DYNC2H1: variants seen among roughly 807,000 people sequenced by gnomAD.
DYNC2H1 encodes dynein cytoplasmic 2 heavy chain 1.
In DYNC2H1, 410 loss-of-function variants were observed where a neutral mutation model predicts 570.0. The ratio of observed to expected loss-of-function variants is 0.72; its 90% CI spans 0.66 to 0.78. The LOEUF (loss-of-function observed/expected upper bound fraction) is 0.78, where lower values mean the gene tolerates loss of function less well. DYNC2H1 is among the 30% of genes least tolerant of loss of function. The pLI is 0.00. For synonymous variants in DYNC2H1, 1,688 were observed against 1,677.6 expected, an observed-to-expected ratio of 1.01 and a Z score of -0.15; for missense variants, 4,865 against 5,046.4, an observed-to-expected ratio of 0.96 and a Z score of 1.09.
intron 10 of DYNC2H1, among the ~76,000 whole-genome samples, chr11:103,122,244 T>A (rs916193350): frequency 6.6e-6 from 1 of 152,202 alleles, no homozygotes; most frequent in African/African-American, 2.4e-5. Context: ...CAAGACCTCA[T>A]GGAATATTAC....
Position 103,145,587 on chromosome 11 carries a change from C to T in DYNC2H1, c.2703-2185C>T, listed in dbSNP as rs1860202810. On this transcript the variant is annotated intron_variant, in intron 18 of 88. Coordinates refer to ENST00000375735, the MANE Select transcript of DYNC2H1 (RefSeq NM_001377.3). This position sits in a 1 kb window ranked among gnomAD's most constrained non-coding sequence, Gnocchi z 4.2. Reference sequence around the variant, plus strand: ...AAAAATAAAAACAACAATGCCTATCCCACACTGTATTTTTCATTTTGTCAT... The same window carrying T: ...AAAAATAAAAACAACAATGCCTATCTCACACTGTATTTTTCATTTTGTCAT... Among the ~76,000 whole-genome samples the T allele has an allele frequency of 1.3e-5, 2 of 152,028 alleles. No individual in the cohort carries two copies. Among genetic ancestry groups the T allele is most frequent in the Non-Finnish European group, 2.9e-5 (2 of 67,998 alleles).
rs898185620 is a variant in DYNC2H1 at position 103,305,117 on chromosome 11, G to A, written c.11382+397G>A. Among the ~76,000 whole-genome samples, 2 of 152,122 alleles carry A rather than the reference G, an allele frequency of 1.3e-5. No homozygotes were observed. Among genetic ancestry groups the A allele is most frequent in the Admixed American group, 1.3e-4 (2 of 15,254 alleles). On this transcript the variant is annotated intron_variant, in intron 77 of 88. Transcript: ENST00000375735. This position sits in a 1 kb window ranked among gnomAD's most constrained non-coding sequence, Gnocchi z 4.3. The stretch of plus-strand genomic sequence containing the variant: ...AGCTAGAGAATAAACTGAAGCAAAT[G>A]TTTCGTTTATCTCAAATGGACTCAG...
chr11:103,199,165 TA>T lies in DYNC2H1; in HGVS notation c.7840-61del, dbSNP rs1200167971. The T allele has an allele frequency of 2.5e-6, 3 of 1,178,688 alleles. No homozygotes were observed. The highest frequency in any genetic ancestry group is 2.3e-6 in the Non-Finnish European group (2 of 881,122). The allele number at this position is 1,178,688 out of a possible 1,614,324, so 73.0% of individuals were successfully genotyped here. A position where few individuals can be genotyped will look rare whatever the true frequency, so the allele number is the denominator to read the frequency against. The stretch of plus-strand genomic sequence containing the variant: ...AATATAATATTTTAACCTAGGTAAG[TA>T]ACATTTTTATTATGTAATTAGGGCT... On this transcript the variant is annotated intron_variant, in intron 48 of 88. Transcript: ENST00000375735. The surrounding 1 kb of genome is among the most constrained non-coding windows in gnomAD (Gnocchi z 4.6).
chr11:103,210,661 G>A (rs918433676), intron 53 of DYNC2H1, among the ~76,000 whole-genome samples: 1 of 152,034 alleles, frequency 6.6e-6, no homozygotes, highest in African/African-American at 2.4e-5. Flanking sequence ...AGATATTATA[G>A]GAAATAGACA....
chr11:103,365,061 T>C (rs78901706), intron 83 of DYNC2H1, among the ~76,000 whole-genome samples: 1 of 152,178 alleles, frequency 6.6e-6, no homozygotes, highest in Non-Finnish European at 1.5e-5. Context: ...CATTGGTAAG[T>C]TAGAAATGTG....
chr11:103,320,524 G>A (rs1295044723), intron 80 of DYNC2H1, among the ~76,000 whole-genome samples: 1 of 152,240 alleles, frequency 6.6e-6, no homozygotes, highest in Non-Finnish European at 1.5e-5. Flanking sequence ...AGAGTGTAAT[G>A]TGTGAAGGTG....
At position 103,282,159 on chromosome 11, in the gene DYNC2H1, C is replaced by A; in HGVS notation, c.10762-20C>A. 6.3e-7 allele frequency: 1 copy of A among 1,595,450 alleles called. No homozygotes were observed. On this transcript the variant is annotated intron_variant, in intron 71 of 88. Coordinates refer to ENST00000375735, the MANE Select transcript of DYNC2H1 (RefSeq NM_001377.3). ...GTTATCATTTTTATATTTTTGTGTT[C>A]CTATATTTTTATTCAATAGGAATGG... is the stretch of plus-strand genomic sequence containing the variant.
chr11:103,148,225 A>G (rs937303357), intron 19 of DYNC2H1, among the ~76,000 whole-genome samples: 4 of 152,220 alleles, frequency 2.6e-5, no homozygotes, highest in Non-Finnish European at 5.9e-5. Context: ...AGTATGTTGT[A>G]TAAAAGACGA....
intron 36 of DYNC2H1, among the ~76,000 whole-genome samples, chr11:103,175,212 G>C (rs1312096420): frequency 6.6e-6 from 1 of 152,144 alleles, no homozygotes; most frequent in East Asian, 1.9e-4. Context: ...AAAACACTAT[G>C]AAAGTAGAGA....
rs1478610281 is a variant in DYNC2H1, at chr11:103,326,821, C to A, written c.12039+2831C>A. On this transcript the variant is annotated intron_variant, in intron 82 of 88. Transcript: ENST00000375735. This position sits in a 1 kb window ranked among gnomAD's most constrained non-coding sequence, Gnocchi z 6.1. ...GCCTGGCAGTCAGCTGATGCTAGAG[C>A]CTCTAGGAGGGTGATGAGGACCCCT... is the stretch of plus-strand genomic sequence containing the variant. Among the ~76,000 whole-genome samples, 1 of 152,152 alleles carries A rather than the reference C, an allele frequency of 6.6e-6. No homozygotes were observed. Among genetic ancestry groups the A allele is most frequent in the Non-Finnish European group, 1.5e-5 (1 of 68,008 alleles).
chr11:103,243,648 C>A lies in DYNC2H1; in HGVS notation c.9820-45C>A. ...AAAACTATTTCCATTTAAATGAAAG[C>A]TTATAATCATTAAAAAACATTACTT... On this transcript the variant is annotated intron_variant, in intron 63 of 88. Transcript: ENST00000375735. The surrounding 1 kb of genome is among the most constrained non-coding windows in gnomAD (Gnocchi z 4.8). 2 of 1,352,336 alleles carry A rather than the reference C, an allele frequency of 1.5e-6. No individual in the cohort carries two copies. The highest frequency in any genetic ancestry group is 2.1e-6 in the Non-Finnish European group (2 of 975,402). 83.8% of individuals were successfully genotyped at this position (1,352,336 alleles called of 1,614,324 possible). A position where few individuals can be genotyped will look rare whatever the true frequency, so the allele number is the denominator to read the frequency against.
At position 103,163,224 on chromosome 11, in the gene DYNC2H1, G is replaced by A; in HGVS notation, c.4611+77G>A. On this transcript the variant is annotated intron_variant, in intron 30 of 88. Transcript: ENST00000375735. This position sits in a 1 kb window ranked among gnomAD's most constrained non-coding sequence, Gnocchi z 4.6. ...CCTGACCTAGAAGCCAGGAGGCTCAGATAAATCGCATCTGTTTTCTCCCTT... is the reference window on the plus strand; with the variant it reads ...CCTGACCTAGAAGCCAGGAGGCTCAAATAAATCGCATCTGTTTTCTCCCTT... The A allele has an allele frequency of 1.4e-6, 2 of 1,479,066 alleles. No individual in the cohort carries two copies. Among genetic ancestry groups the A allele is most frequent in the Non-Finnish European group, 1.8e-6 (2 of 1,104,054 alleles). 91.6% of individuals were successfully genotyped at this position (1,479,066 alleles called of 1,614,324 possible). A position where few individuals can be genotyped will look rare whatever the true frequency, so the allele number is the denominator to read the frequency against.
intron 63 of DYNC2H1, among the ~76,000 whole-genome samples, chr11:103,242,216 CATACA>C (rs1864449358): frequency 1.3e-5 from 2 of 152,044 alleles, no homozygotes; most frequent in African/African-American, 4.8e-5. Flanking sequence ...CATATATATA[CATACA>C]ATGTTTTTTC....
chr11:103,435,882 G>A, intron 84 of DYNC2H1, 61 bp from the exon 85 acceptor site: 1 of 1,534,558 alleles, frequency 6.5e-7, no homozygotes, highest in Non-Finnish European at 8.9e-7. Flanking sequence ...ACTAGTGTTA[G>A]TAGTCTTCTA....
intron 82 of DYNC2H1, 112 bp from the exon 83 acceptor site, chr11:103,358,131 T>G (rs561950651): frequency 2.3e-4 from 134 of 584,604 alleles, no homozygotes; most frequent in Admixed American, 1.1e-3. Flanking sequence ...GTTGACAACA[T>G]TTTTGGTCTC....
chr11:103,338,166 A>ACCCCC (rs60405160), intron 82 of DYNC2H1, among the ~76,000 whole-genome samples: 1 of 151,886 alleles, frequency 6.6e-6, no homozygotes. Context: ...GCACTTATTG[A>ACCCCC]AGCTGAGTTG....
chr11:103,153,513 G>GT lies in DYNC2H1; in HGVS notation c.3302+11dup. On this transcript the variant is annotated splice_donor_region_variant and intron_variant, in intron 22 of 88. Coordinates refer to ENST00000375735, the MANE Select transcript of DYNC2H1 (RefSeq NM_001377.3). ...AGTCACAAGAAAAAAGCTGGTGTAT[G>GT]TTTTTTCTTTAAAATTGATAGTGCT... 2 of 1,547,014 alleles carry GT rather than the reference G, an allele frequency of 1.3e-6. No individual in the cohort carries two copies. The highest frequency in any genetic ancestry group is 1.7e-6 in the Non-Finnish European group (2 of 1,149,674).
chr11:103,160,042 G>A (rs901958235), intron 28 of DYNC2H1, among the ~76,000 whole-genome samples: 14 of 152,028 alleles, frequency 9.2e-5, no homozygotes, highest in African/African-American at 3.4e-4. Flanking sequence ...TGAAGCTTTA[G>A]GATGCTTATA....
chr11:103,184,895 G>C lies in DYNC2H1; in HGVS notation c.6478-1G>C, dbSNP rs759367270. On this transcript the variant is annotated splice_acceptor_variant, in intron 40 of 88. Transcript: ENST00000375735. LOFTEE classifies it high-confidence loss of function. ...TTTGTATCACGGATTTTAATCAACA[G>C]AATGACTATGTGGTAGAAACAAGTT... is the stretch of plus-strand genomic sequence containing the variant. The C allele has an allele frequency of 1.2e-6, 2 of 1,609,840 alleles. No individual in the cohort carries two copies. The highest frequency in any genetic ancestry group is 2.2e-5 in the South Asian group (2 of 90,844).
Sources: gnomAD v4.1 joint callset for allele counts (sites outside exome capture counted in the v4.1 genomes callset) on GRCh38, gnomAD v4.1.1 for gene constraint, Gnocchi (gnomAD v3.1) non-coding constraint, MANE v1.5 for transcripts, NCBI Gene and HGNC (gene_info 2026-07-23, HGNC 2026-07-21) for gene names.